Variants in KCNIP4 observed in about 807,000 individuals in gnomAD.
KCNIP4 encodes the protein Kv channel-interacting protein 4.
KCNIP4 carries 12 observed loss-of-function variants against 34.0 expected under a neutral mutation model. That is an observed-to-expected ratio of 0.35 (90% CI 0.23 to 0.57). The LOEUF is 0.57. Ranked by LOEUF, KCNIP4 falls within the 20% of genes least tolerant of loss-of-function variation. The pLI is 0.83. For synonymous variants in KCNIP4, 124 were observed against 102.2 expected, an observed-to-expected ratio of 1.21 and a Z score of -1.29; for missense variants, 238 against 311.7, an observed-to-expected ratio of 0.76 and a Z score of 1.78.
intron 1 of KCNIP4, among the ~76,000 whole-genome samples, chr4:21,032,572 G>C (rs1158668926): frequency 6.6e-6 from 1 of 151,984 alleles, no homozygotes; most frequent in Non-Finnish European, 1.5e-5. Context: ...TCCTGAACCT[G>C]TTTTAGAGAG....
intron 1 of KCNIP4, among the ~76,000 whole-genome samples, chr4:21,049,054 C>A (rs1284996544): frequency 6.7e-6 from 1 of 149,934 alleles, no homozygotes; most frequent in Admixed American, 6.7e-5. Flanking sequence ...GGGTTCACGC[C>A]ATTCTCCTGC....
intron 3 of KCNIP4, among the ~76,000 whole-genome samples, chr4:20,848,934 G>A (rs921208742): frequency 3.3e-5 from 5 of 152,044 alleles, no homozygotes; most frequent in Admixed American, 3.3e-4. Context: ...GGCCCAGATT[G>A]GTCTTTTACA....
chr4:21,535,136 G>T (rs1173697503), intron 1 of KCNIP4, among the ~76,000 whole-genome samples: 1 of 152,002 alleles, frequency 6.6e-6, no homozygotes, highest in Non-Finnish European at 1.5e-5. Flanking sequence ...CTCTAAAGAT[G>T]AATAAAATTA....
intron 1 of KCNIP4, among the ~76,000 whole-genome samples, chr4:21,277,729 A>T (rs144553780): frequency 6.6e-6 from 1 of 152,350 alleles, no homozygotes; most frequent in African/African-American, 2.4e-5. Flanking sequence ...AGAATCAATA[A>T]AAGAGAAACA....
intron 4 of KCNIP4, among the ~76,000 whole-genome samples, chr4:20,757,598 C>A (rs539138099): frequency 1.8e-4 from 28 of 152,256 alleles, no homozygotes; most frequent in African/African-American, 6.5e-4. Context: ...ATGCTCTGAC[C>A]CTTTGTTTAC....
At chr4:21,505,258 T>G (rs192271108) in intron 1 of KCNIP4, among the ~76,000 whole-genome samples, 2 of 140,500 alleles carry the variant, frequency 1.4e-5, no homozygotes, top group East Asian at 4.5e-4. Context: ...TCACATAAAA[T>G]AGCAGTACTA....
At chr4:21,831,235 C>A (rs937947812) in intron 1 of KCNIP4, among the ~76,000 whole-genome samples, 4 of 151,200 alleles carry the variant, frequency 2.6e-5, no homozygotes, top group Non-Finnish European at 5.9e-5. Flanking sequence ...TGACATTATA[C>A]CTAAAGAATC....
intron 1 of KCNIP4, among the ~76,000 whole-genome samples, chr4:20,904,158 G>C (rs2149556766): frequency 6.6e-6 from 1 of 152,186 alleles, no homozygotes; most frequent in Admixed American, 6.5e-5. Flanking sequence ...CTATGTGACT[G>C]TTGTGTTACC....
At chr4:21,376,732 A>G (rs772381071) in intron 1 of KCNIP4, among the ~76,000 whole-genome samples, 1 of 152,212 alleles carries the variant, frequency 6.6e-6, no homozygotes, top group African/African-American at 2.4e-5. Flanking sequence ...ACTTGAGAAT[A>G]ACGGGTCTTC....
chr4:21,503,131 A>AGG (rs1733502674), intron 1 of KCNIP4, among the ~76,000 whole-genome samples: 1 of 152,182 alleles, frequency 6.6e-6, no homozygotes, highest in Non-Finnish European at 1.5e-5. Context: ...CTTCATTTTT[A>AGG]TAAAGAATAT....
chr4:21,449,329 G>A (rs1560416808), intron 1 of KCNIP4, among the ~76,000 whole-genome samples: 1 of 152,076 alleles, frequency 6.6e-6, no homozygotes. Context: ...CCATTTGTAT[G>A]TTGGTAACAT....
At chr4:21,489,967 T>C (rs1732241773) in intron 1 of KCNIP4, among the ~76,000 whole-genome samples, 1 of 152,158 alleles carries the variant, frequency 6.6e-6, no homozygotes, top group African/African-American at 2.4e-5. Context: ...CAACTACAAT[T>C]TATTTCTGAG....
chr4:21,506,621 C>T (rs979589342), intron 1 of KCNIP4, among the ~76,000 whole-genome samples: 1 of 152,106 alleles, frequency 6.6e-6, no homozygotes, highest in South Asian at 2.1e-4. Context: ...TCATTCATTT[C>T]TTTACCCCCA....
chr4:20,849,928 T>C (rs1350522491), intron 3 of KCNIP4, among the ~76,000 whole-genome samples: 1 of 152,184 alleles, frequency 6.6e-6, no homozygotes, highest in Non-Finnish European at 1.5e-5. Context: ...TAAGAGACTG[T>C]GTCTCATAGT....
chr4:21,158,422 A>G (rs1175022578), intron 1 of KCNIP4, among the ~76,000 whole-genome samples: 3 of 152,188 alleles, frequency 2.0e-5, no homozygotes, highest in Non-Finnish European at 4.4e-5. Flanking sequence ...CAGCAAATCA[A>G]ATCTAACAGT....
At chr4:21,753,777 T>C (rs1480598406) in intron 1 of KCNIP4, among the ~76,000 whole-genome samples, 1 of 152,160 alleles carries the variant, frequency 6.6e-6, no homozygotes, top group Non-Finnish European at 1.5e-5. Flanking sequence ...GCATCATGCC[T>C]TTTGTGAAAC....
chr4:21,601,629 T>C lies in KCNIP4; in HGVS notation c.61+346942A>G, dbSNP rs1743170373. On this transcript the variant is annotated intron_variant, in intron 1 of 8. Coordinates refer to ENST00000382152, the MANE Select transcript of KCNIP4 (RefSeq NM_025221.6). ...TCCTGCTGCACTGGATGGATGTTCA[T>C]ATTCCATCCATTGGTCTATAAGGTC... 2.0e-5 allele frequency among the ~76,000 whole-genome samples: 3 copies of C among 152,092 alleles called. No homozygotes were observed. The South Asian group carries it at 6.2e-4, about 32-fold the overall frequency.
At chr4:21,247,735 GATATATATATAT>G (rs58465908) in intron 1 of KCNIP4, among the ~76,000 whole-genome samples, 1 of 61,370 alleles carries the variant, frequency 1.6e-5, no homozygotes, top group African/African-American at 1.1e-4. Flanking sequence ...TCCACAGGTG[GATATATATATAT>G]ATATATATAT....
chr4:20,907,436 A>G (rs769026011), intron 1 of KCNIP4, among the ~76,000 whole-genome samples: 2 of 152,244 alleles, frequency 1.3e-5, no homozygotes, highest in South Asian at 4.1e-4. Context: ...CAGATAATCT[A>G]CCTATCTCAT....
Sources: allele counts gnomAD v4.1 joint callset (sites outside exome capture counted in the v4.1 genomes callset), GRCh38; gene constraint gnomAD v4.1.1; transcripts MANE v1.5; gene names NCBI Gene and HGNC (gene_info 2026-07-23, HGNC 2026-07-21).